The following GNA11 variants were observed in gnomAD, a reference collection of about 807,000 sequenced individuals.
GNA11 encodes the protein guanine nucleotide-binding protein subunit alpha-11.
A neutral mutation model predicts 38.2 loss-of-function variants in GNA11; 8 were observed. The observed-to-expected ratio is 0.21, with a 90% CI of 0.12 to 0.38. GNA11 has a LOEUF of 0.38. Ranked by LOEUF, GNA11 falls within the 10% of genes least tolerant of loss-of-function variation. The probability of loss-of-function intolerance (pLI) is 1.00; values close to 1 mark genes in which losing one functional copy is unlikely to be tolerated. For missense variants in GNA11, 268 were observed against 516.3 expected (o/e 0.52, Z 4.66); for synonymous variants, 211 against 221.4 (o/e 0.95, Z 0.42).
intron 1 of GNA11, among the ~76,000 whole-genome samples, chr19:3,106,703 ATGTGTGCGTGCACCATGCACG>A (rs1391441064): frequency 1.3e-5 from 2 of 152,250 alleles, no homozygotes; most frequent in African/African-American, 4.8e-5. Context: ...ATGTACATGC[ATGTGTGCGTGCACCATGCACG>A]TGTGTGCTGA....
intron 1 of GNA11, among the ~76,000 whole-genome samples, chr19:3,095,075 C>T (rs1168617963): frequency 1.3e-5 from 2 of 151,392 alleles, no homozygotes; most frequent in Non-Finnish European, 2.9e-5. Context: ...CTGGGGTCAG[C>T]CCTGCCTTTG....
At chr19:3,103,433 C>T (rs1865041163) in intron 1 of GNA11, among the ~76,000 whole-genome samples, 1 of 150,318 alleles carries the variant, frequency 6.7e-6, no homozygotes, top group South Asian at 2.1e-4. Flanking sequence ...GGCTGGTCTC[C>T]AACTTCTGAC....
Position 3,113,100 on chromosome 19 carries a change from C to T in GNA11, c.322-230C>T, listed in dbSNP as rs373805908. 4.6e-5 allele frequency among the ~76,000 whole-genome samples: 7 copies of T among 152,376 alleles called. No homozygotes were observed. The East Asian group carries it at 1.2e-3, about 25-fold the overall frequency. Reference sequence around the variant, plus strand: ...CCGGCCTCCCCGGCACCCTGCAGACCGCACCGCCGGGAGGCTTTGCTTGTG... The same window carrying T: ...CCGGCCTCCCCGGCACCCTGCAGACTGCACCGCCGGGAGGCTTTGCTTGTG... On this transcript the variant is annotated intron_variant, in intron 2 of 6. Coordinates refer to ENST00000078429, the MANE Select transcript of GNA11 (RefSeq NM_002067.5).
chr19:3,123,435 G>A lies in GNA11; in HGVS notation c.*2256G>A, dbSNP rs562549131. The A allele has an allele frequency of 3.9e-5, 9 of 233,244 alleles. 1 individual carries two copies. Among genetic ancestry groups the A allele is most frequent in the East Asian group, 1.8e-4 (3 of 16,596 alleles). The allele number at this position is 233,244 out of a possible 1,614,324, so 14.4% of individuals were successfully genotyped here. On this transcript the variant is annotated 3_prime_UTR_variant, in exon 7 of 7. Transcript: ENST00000078429. ...AGGAGAGTCCCAGGCAGTGGTTCTC[G>A]TGCCAGTGGCACCCAGGGGCAAGGA...
chr19:3,117,592 C>G (rs1913955975), intron 4 of GNA11: 1 of 152,290 alleles, frequency 6.6e-6, no homozygotes, highest in Non-Finnish European at 1.5e-5. Context: ...CCATGTTAGC[C>G]AGGATGGTCT....
At chr19:3,099,370 A>G (rs578092490) in intron 1 of GNA11, among the ~76,000 whole-genome samples, 19 of 152,258 alleles carry the variant, frequency 1.2e-4, no homozygotes, top group African/African-American at 4.1e-4. Context: ...AGAGCGGTGG[A>G]TGCGATTAGG....
At chr19:3,096,599 C>T (rs1913373382) in intron 1 of GNA11, among the ~76,000 whole-genome samples, 1 of 152,162 alleles carries the variant, frequency 6.6e-6, no homozygotes, top group Non-Finnish European at 1.5e-5. Flanking sequence ...GCCGCCTTGG[C>T]TGCTTGGAGC....
At position 3,120,289 on chromosome 19, in the gene GNA11, C is replaced by T. The variant is rs1914036209; in HGVS notation, c.890-700C>T. ...GTGGCGGGGGGCGCTGCACCTGCTC[C>T]AGCCGCACGTGGCCCCTGCCCAGCA... is the stretch of plus-strand genomic sequence containing the variant. On this transcript the variant is annotated intron_variant, in intron 6 of 6. Transcript: ENST00000078429. The surrounding 1 kb of genome is among the most constrained non-coding windows in gnomAD (Gnocchi z 5.9). Among the ~76,000 whole-genome samples, 1 of 152,014 alleles carries T rather than the reference C, an allele frequency of 6.6e-6. No homozygotes were observed. Among genetic ancestry groups the T allele is most frequent in the African/African-American group, 2.4e-5 (1 of 41,478 alleles).
chr19:3,123,926 G>A lies in GNA11; in HGVS notation c.*2747G>A, dbSNP rs924108353. ...GGCCCTGACCCTTAATCCAGACACC[G>A]ATGGAAGTCGACTTTTCATATCTTT... On this transcript the variant is annotated 3_prime_UTR_variant, in exon 7 of 7. Coordinates refer to ENST00000078429, the MANE Select transcript of GNA11 (RefSeq NM_002067.5). The A allele has an allele frequency of 1.7e-5, 4 of 231,552 alleles. No homozygotes were observed. Among genetic ancestry groups the A allele is most frequent in the Admixed American group, 5.6e-5 (1 of 17,718 alleles). The allele number at this position is 231,552 out of a possible 1,614,324, so 14.3% of individuals were successfully genotyped here.
In GNA11 at chr19:3,122,951, C is replaced by CA. The variant is rs1914122536; in HGVS notation, c.*1772_*1773insA. 1 of 233,518 alleles carries CA rather than the reference C, an allele frequency of 4.3e-6. No homozygotes were observed. The highest frequency in any genetic ancestry group is 6.0e-5 in the East Asian group (1 of 16,582). 14.5% of individuals were successfully genotyped at this position (233,518 alleles called of 1,614,324 possible). A position where few individuals can be genotyped will look rare whatever the true frequency, so the allele number is the denominator to read the frequency against. ...AGACGGGGCTGGCGGGATACCCCCC[C>CA]CCCGGCTTCCCCACACCACTTCTGT... On this transcript the variant is annotated 3_prime_UTR_variant, in exon 7 of 7. Coordinates refer to ENST00000078429, the MANE Select transcript of GNA11 (RefSeq NM_002067.5). This position sits in a 1 kb window ranked among gnomAD's most constrained non-coding sequence, Gnocchi z 7.7.
chr19:3,094,661 G>C lies in GNA11; in HGVS notation c.10G>C (p.Glu4Gln), dbSNP rs2145300242. Residue 4 changes from glutamate to glutamine, a missense_variant, in exon 1 of 7, where the codon GAG becomes CAG. Physicochemically the swap from Glu to Gln is conservative, Grantham distance 29. This residue lies in a region of GNA11 where 151 missense variants were observed against 254.0 expected (regional missense o/e 0.59). Transcript: ENST00000078429. The surrounding 1 kb of genome is among the most constrained non-coding windows in gnomAD (Gnocchi z 6.0). ...GGCCGGGGCCGGGACGATGACTCTGGAGTCCATGATGGCGTGTTGCCTGAG... is the reference window on the plus strand; with the variant it reads ...GGCCGGGGCCGGGACGATGACTCTGCAGTCCATGATGGCGTGTTGCCTGAG... MTL[E>Q]SMMACCLSDE... 1 of 1,524,858 alleles carries C rather than the reference G, an allele frequency of 6.6e-7. No homozygotes were observed. Among genetic ancestry groups the C allele is most frequent in the East Asian group, 2.7e-5 (1 of 37,220 alleles). 94.5% of individuals were successfully genotyped at this position (1,524,858 alleles called of 1,614,324 possible).
At position 3,111,103 on chromosome 19, in the gene GNA11, G is replaced by GT. The variant is rs904601207; in HGVS notation, c.321+778dup. On this transcript the variant is annotated intron_variant, in intron 2 of 6. Coordinates refer to ENST00000078429, the MANE Select transcript of GNA11 (RefSeq NM_002067.5). ...GCCACCATGCCTGGCCTCCGCCCTGGTTTTTTTTCTTTTTTTTTTGATAAA... is the reference window on the plus strand; with the variant it reads ...GCCACCATGCCTGGCCTCCGCCCTGGTTTTTTTTTCTTTTTTTTTTGATAAA... 2.3e-3 allele frequency among the ~76,000 whole-genome samples: 351 copies of GT among 150,660 alleles called. 7 individuals are homozygous for GT. Among genetic ancestry groups the GT allele is most frequent in the Non-Finnish European group, 1.2e-3 (80 of 67,772 alleles).
intron 3 of GNA11, among the ~76,000 whole-genome samples, chr19:3,114,681 C>T (rs756455881): frequency 5.3e-5 from 8 of 152,224 alleles, no homozygotes; most frequent in Non-Finnish European, 4.4e-5. Flanking sequence ...CTGGAGTCCT[C>T]GTCCTGGGAC....
intron 1 of GNA11, among the ~76,000 whole-genome samples, chr19:3,103,053 A>G (rs1200752502): frequency 1.3e-5 from 2 of 151,608 alleles, no homozygotes; most frequent in African/African-American, 4.8e-5. Flanking sequence ...CCCACATCTC[A>G]CAGTCTTGGG....
chr19:3,122,797 C>G lies in GNA11; in HGVS notation c.*1618C>G, dbSNP rs1274559254. ...CGCCTGCCTGCCCGCCACTGTCAGGCCTGCCCTGGCCTCCTCGTCCGCAGG... is the reference window on the plus strand; with the variant it reads ...CGCCTGCCTGCCCGCCACTGTCAGGGCTGCCCTGGCCTCCTCGTCCGCAGG... On this transcript the variant is annotated 3_prime_UTR_variant, in exon 7 of 7. Transcript: ENST00000078429. The surrounding 1 kb of genome is among the most constrained non-coding windows in gnomAD (Gnocchi z 7.7). 3.4e-5 allele frequency: 8 copies of G among 233,650 alleles called. No homozygotes were observed. Among genetic ancestry groups the G allele is most frequent in the Non-Finnish European group, 6.8e-5 (8 of 118,434 alleles). 14.5% of individuals were successfully genotyped at this position (233,650 alleles called of 1,614,324 possible).
chr19:3,114,138 C>T (rs866300075), intron 3 of GNA11, among the ~76,000 whole-genome samples: 4 of 152,160 alleles, frequency 2.6e-5, no homozygotes, highest in African/African-American at 4.8e-5. Flanking sequence ...CCCTCCTGCC[C>T]GTCCTCTGTG....
At position 3,114,993 on chromosome 19, in the gene GNA11, C is replaced by G. The variant is rs2145320834; in HGVS notation, c.526C>G (p.Gln176Glu). 1 of 1,612,912 alleles carries G rather than the reference C, an allele frequency of 6.2e-7. No homozygotes were observed. The highest frequency in any genetic ancestry group is 8.5e-7 in the Non-Finnish European group (1 of 1,179,598). ...RIATLGYLPT[Q>E]QDVLRVRVPT... The stretch of plus-strand genomic sequence containing the variant: ...CGCCACCTTGGGCTACCTGCCCACC[C>G]AGCAGGACGTGCTGCGGGTCCGCGT... Residue 176 changes from glutamine to glutamate, a missense_variant, in exon 4 of 7, where the codon CAG becomes GAG. Coordinates refer to ENST00000078429, the MANE Select transcript of GNA11 (RefSeq NM_002067.5).
rs144467361 is a variant in GNA11 at position 3,105,964 on chromosome 19, C to T, written c.137-4185C>T. 1.0e-3 allele frequency among the ~76,000 whole-genome samples: 153 copies of T among 152,220 alleles called. 1 individual carries two copies. Among genetic ancestry groups the T allele is most frequent in the Middle Eastern group, 3.4e-3 (1 of 294 alleles). On this transcript the variant is annotated intron_variant, in intron 1 of 6. Coordinates refer to ENST00000078429, the MANE Select transcript of GNA11 (RefSeq NM_002067.5). ...ACGAGTCCAGAGTGAGGCGGCATCT[C>T]GGAGGGGCTCACACATTGTCTCAGG... is the stretch of plus-strand genomic sequence containing the variant.
rs910772278 is a variant in GNA11 at position 3,120,295 on chromosome 19, C to T, written c.890-694C>T. ...GGGGGCGCTGCACCTGCTCCAGCCG[C>T]ACGTGGCCCCTGCCCAGCAGCCTGT... On this transcript the variant is annotated intron_variant, in intron 6 of 6. Transcript: ENST00000078429. The surrounding 1 kb of genome is among the most constrained non-coding windows in gnomAD (Gnocchi z 5.9). 2.6e-5 allele frequency among the ~76,000 whole-genome samples: 4 copies of T among 151,064 alleles called. No individual in the cohort carries two copies. The highest frequency in any genetic ancestry group is 4.4e-5 in the Non-Finnish European group (3 of 67,568).
Sources: allele counts gnomAD v4.1 joint callset (sites outside exome capture counted in the v4.1 genomes callset), GRCh38; gene constraint gnomAD v4.1.1; regional missense constraint gnomAD v4.1.1; non-coding constraint Gnocchi (gnomAD v3.1); transcripts MANE v1.5; gene names NCBI Gene and HGNC (gene_info 2026-07-23, HGNC 2026-07-21).